SPAG16: variants seen among roughly 807,000 people sequenced by gnomAD.
SPAG16 encodes sperm-associated antigen 16 protein.
In SPAG16, 86 loss-of-function variants were observed where a neutral mutation model predicts 80.4. The ratio of observed to expected loss-of-function variants is 1.07; its 90% CI spans 0.90 to 1.28. The LOEUF (loss-of-function observed/expected upper bound fraction) is 1.28. Ranked by LOEUF, SPAG16 falls within the 50% of genes most tolerant of loss-of-function variation. The probability of loss-of-function intolerance (pLI) is 0.00; values close to 1 mark genes in which losing one functional copy is unlikely to be tolerated. For missense variants in SPAG16, 870 were observed against 765.3 expected (o/e 1.14, Z -1.61); for synonymous variants, 294 against 265.9 (o/e 1.11, Z -1.03).
chr2:213,440,567 A>G, intron 9 of SPAG16, among the ~76,000 whole-genome samples: 1 of 151,996 alleles, frequency 6.6e-6, no homozygotes, highest in East Asian at 1.9e-4. Flanking sequence ...AACAACAACA[A>G]CAACAACAAC....
chr2:213,792,480 A>G (rs562662809), intron 10 of SPAG16, among the ~76,000 whole-genome samples: 30 of 149,862 alleles, frequency 2.0e-4, no homozygotes, highest in Non-Finnish European at 3.4e-4. Context: ...TGAAATGACT[A>G]TTGTAAACAT....
Position 214,251,765 on chromosome 2 carries a change from G to A in SPAG16, c.1720+102499G>A, listed in dbSNP as rs190168549. 7.3e-4 allele frequency among the ~76,000 whole-genome samples: 111 copies of A among 152,156 alleles called. 1 individual carries two copies. Among genetic ancestry groups the A allele is most frequent in the African/African-American group, 2.4e-3 (101 of 41,514 alleles). On this transcript the variant is annotated intron_variant, in intron 15 of 15. Transcript: ENST00000331683. ...GCCTCAGACATGTTCCACTATATCT[G>A]TTTGCATCTGTTTTTTAGTTCAAGG...
intron 15 of SPAG16, among the ~76,000 whole-genome samples, chr2:214,169,135 T>C (rs2056781147): frequency 6.6e-6 from 1 of 152,104 alleles, no homozygotes; most frequent in Non-Finnish European, 1.5e-5. Context: ...ACTTGTTATA[T>C]CACGTAACTC....
At chr2:214,098,420 G>T (rs553981445) in intron 13 of SPAG16, among the ~76,000 whole-genome samples, 3 of 152,092 alleles carry the variant, frequency 2.0e-5, no homozygotes, top group Non-Finnish European at 4.4e-5. Flanking sequence ...GAAGTCATCA[G>T]GTTGGGCCCA....
chr2:213,307,611 G>C (rs539022446), intron 3 of SPAG16, among the ~76,000 whole-genome samples: 2 of 150,406 alleles, frequency 1.3e-5, no homozygotes, highest in Non-Finnish European at 3.0e-5. Context: ...ATCATTGTTG[G>C]ACATTTGGGT....
Position 214,068,706 on chromosome 2 carries a change from A to C in SPAG16, c.1528-39490A>C, listed in dbSNP as rs565522141. Among the ~76,000 whole-genome samples the C allele has an allele frequency of 3.3e-5, 5 of 152,282 alleles. No individual in the cohort carries two copies. The South Asian group carries it at 1.0e-3, about 32-fold the overall frequency. ...AGGTGGTTGATGACTGGCAATTATA[A>C]AAGCTGAATTTTTAATATGCATACA... On this transcript the variant is annotated intron_variant, in intron 13 of 15. Transcript: ENST00000331683.
At chr2:213,691,803 G>T (rs4132244) in intron 10 of SPAG16, among the ~76,000 whole-genome samples, 47,767 of 152,058 alleles carry the variant, frequency 0.31, 7,770 homozygotes, top group Middle Eastern at 0.42. Flanking sequence ...AGCTCTAAAA[G>T]GTGGCAATCA....
chr2:213,317,705 C>A, intron 5 of SPAG16: 1 of 989,388 alleles, frequency 1.0e-6, no homozygotes, highest in Non-Finnish European at 1.2e-6. Flanking sequence ...TTATAGAAAG[C>A]CGAGAGGAAA....
At chr2:213,532,398 T>C (rs1380238180) in intron 10 of SPAG16, among the ~76,000 whole-genome samples, 1 of 152,150 alleles carries the variant, frequency 6.6e-6, no homozygotes, top group East Asian at 1.9e-4. Flanking sequence ...TTCAAGGCAA[T>C]TGACATTATG....
At chr2:213,806,426 C>T (rs929644564) in intron 10 of SPAG16, among the ~76,000 whole-genome samples, 3 of 151,910 alleles carry the variant, frequency 2.0e-5, no homozygotes, top group Non-Finnish European at 4.4e-5. Flanking sequence ...TTTGTAATAG[C>T]GTGTAACATG....
intron 11 of SPAG16, among the ~76,000 whole-genome samples, chr2:213,876,050 G>A (rs904146444): frequency 6.6e-6 from 1 of 152,050 alleles, no homozygotes; most frequent in Admixed American, 6.6e-5. Flanking sequence ...TAACTTTGAT[G>A]AAGAAAATAA....
At chr2:213,339,174 G>A (rs1373097566) in intron 5 of SPAG16, among the ~76,000 whole-genome samples, 1 of 152,102 alleles carries the variant, frequency 6.6e-6, no homozygotes, top group Non-Finnish European at 1.5e-5. Context: ...AAACATCTTT[G>A]GTAGCATCCC....
intron 11 of SPAG16, among the ~76,000 whole-genome samples, chr2:213,869,270 T>TAG (rs2075846250): frequency 1.4e-5 from 1 of 69,684 alleles, no homozygotes; most frequent in Non-Finnish European, 3.8e-5. Flanking sequence ...AAAAAATATA[T>TAG]ATATATATAT....
chr2:214,116,182 A>G (rs1030498396), intron 14 of SPAG16, among the ~76,000 whole-genome samples: 1 of 152,226 alleles, frequency 6.6e-6, no homozygotes, highest in African/African-American at 2.4e-5. Context: ...AAGAGGAACC[A>G]CACAGACTAC....
At chr2:214,395,361 C>T (rs559601394) in intron 15 of SPAG16, among the ~76,000 whole-genome samples, 1 of 152,156 alleles carries the variant, frequency 6.6e-6, no homozygotes, top group South Asian at 2.1e-4. Context: ...CACATTCTCA[C>T]CAGCATTTGG....
intron 11 of SPAG16, among the ~76,000 whole-genome samples, chr2:213,878,666 T>A (rs2076231588): frequency 6.6e-6 from 1 of 152,124 alleles, no homozygotes; most frequent in African/African-American, 2.4e-5. Context: ...TAATTAAGTC[T>A]ATTTGTCTAG....
At chr2:213,295,604 ATACTT>A (rs1274567147) in intron 1 of SPAG16, among the ~76,000 whole-genome samples, 13 of 152,136 alleles carry the variant, frequency 8.5e-5, no homozygotes, top group Non-Finnish European at 1.5e-4. Flanking sequence ...TTCATTCACA[ATACTT>A]TAAACCAAAT....
At chr2:213,601,435 T>C (rs1238061141) in intron 10 of SPAG16, among the ~76,000 whole-genome samples, 2 of 152,180 alleles carry the variant, frequency 1.3e-5, no homozygotes, top group Admixed American at 1.3e-4. Context: ...GTTTACGTGT[T>C]CATCATAAAT....
chr2:213,322,750 T>C lies in SPAG16; in HGVS notation c.536+5394T>C, dbSNP rs372752325. Among the ~76,000 whole-genome samples, 22 of 152,190 alleles carry C rather than the reference T, an allele frequency of 1.4e-4. No individual in the cohort carries two copies. In the East Asian group the frequency reaches 3.5e-3, roughly 24 times the overall value. On this transcript the variant is annotated intron_variant, in intron 5 of 15. Coordinates refer to ENST00000331683, the MANE Select transcript of SPAG16 (RefSeq NM_024532.5). The stretch of plus-strand genomic sequence containing the variant: ...TGGGTAAAGGAGACAGACGGGGTGC[T>C]GTTTTATGTAGGATTGGTAAGGGGT...
Sources: allele counts gnomAD v4.1 joint callset (sites outside exome capture counted in the v4.1 genomes callset), GRCh38; gene constraint gnomAD v4.1.1; transcripts MANE v1.5; gene names NCBI Gene and HGNC (gene_info 2026-07-23, HGNC 2026-07-21).